Variants in SEMA3E observed in about 807,000 individuals in gnomAD.
SEMA3E encodes semaphorin 3E.
SEMA3E carries 49 observed loss-of-function variants against 93.6 expected under a neutral mutation model. That is an observed-to-expected ratio of 0.52 (90% CI 0.42 to 0.66). The LOEUF (loss-of-function observed/expected upper bound fraction) is 0.66. SEMA3E is among the 30% of genes least tolerant of loss of function. The pLI is 0.00. For missense variants in SEMA3E, 906 were observed against 964.8 expected, an observed-to-expected ratio of 0.94 and a Z score of 0.81; for synonymous variants, 363 against 330.7, an observed-to-expected ratio of 1.10 and a Z score of -1.06.
At chr7:83,498,020 G>A (rs971636480) in intron 1 of SEMA3E, among the ~76,000 whole-genome samples, 2 of 152,098 alleles carry the variant, frequency 1.3e-5, no homozygotes, top group African/African-American at 4.8e-5. Context: ...TGTATTTAAT[G>A]ATTAAGATGA....
chr7:83,641,727 T>G (rs1584382631), intron 1 of SEMA3E, among the ~76,000 whole-genome samples: 1 of 152,314 alleles, frequency 6.6e-6, no homozygotes, highest in East Asian at 1.9e-4. Context: ...ATGTTAAGGA[T>G]CTCTCTTCAT....
At chr7:83,556,876 C>A (rs182574606) in intron 1 of SEMA3E, among the ~76,000 whole-genome samples, 1 of 152,210 alleles carries the variant, frequency 6.6e-6, no homozygotes, top group Admixed American at 6.5e-5. Flanking sequence ...CCCTTTCTGG[C>A]CCTTTTACCT....
intron 4 of SEMA3E, among the ~76,000 whole-genome samples, chr7:83,432,408 T>C (rs1017274072): frequency 6.6e-6 from 1 of 152,128 alleles, no homozygotes; most frequent in African/African-American, 2.4e-5. Context: ...AATAAAAAGT[T>C]ATAATAACGT....
At chr7:83,397,386 T>A (rs1228496036) in intron 11 of SEMA3E, among the ~76,000 whole-genome samples, 1 of 152,120 alleles carries the variant, frequency 6.6e-6, no homozygotes, top group East Asian at 1.9e-4. Context: ...AGAAAATTTT[T>A]TTACCAAAAG....
intron 1 of SEMA3E, among the ~76,000 whole-genome samples, chr7:83,626,564 G>GTTTTT (rs1562861033): frequency 6.6e-6 from 1 of 151,748 alleles, no homozygotes. Context: ...CCCCTTTATC[G>GTTTTT]TTTTTTATCG....
chr7:83,581,074 G>C (rs1792508936), intron 1 of SEMA3E, among the ~76,000 whole-genome samples: 1 of 151,784 alleles, frequency 6.6e-6, no homozygotes, highest in East Asian at 1.9e-4. Context: ...TATTATCCTA[G>C]GCTGTCAAAA....
At chr7:83,600,021 C>G (rs1040354156) in intron 1 of SEMA3E, among the ~76,000 whole-genome samples, 1 of 152,150 alleles carries the variant, frequency 6.6e-6, no homozygotes, top group Non-Finnish European at 1.5e-5. Context: ...ATCAATCATA[C>G]TACATAAATG....
At chr7:83,477,602 A>G (rs1000122790) in intron 2 of SEMA3E, among the ~76,000 whole-genome samples, 1 of 152,134 alleles carries the variant, frequency 6.6e-6, no homozygotes, top group African/African-American at 2.4e-5. Context: ...TATTTTAAAA[A>G]GCTTATTCTC....
chr7:83,390,074 TATACGTGTGCAC>T (rs1787980764), intron 14 of SEMA3E, among the ~76,000 whole-genome samples: 5 of 140,892 alleles, frequency 3.5e-5, no homozygotes, highest in African/African-American at 7.7e-5. Context: ...TATATGCGCG[TATACGTGTGCAC>T]ATATATGCGC....
chr7:83,613,164 C>T (rs1209181232), intron 1 of SEMA3E, among the ~76,000 whole-genome samples: 1 of 151,976 alleles, frequency 6.6e-6, no homozygotes, highest in African/African-American at 2.4e-5. Flanking sequence ...GAAAAAGCAT[C>T]CTATCACAAC....
intron 1 of SEMA3E, among the ~76,000 whole-genome samples, chr7:83,545,282 C>G (rs1160674151): frequency 6.6e-6 from 1 of 151,988 alleles, no homozygotes; most frequent in Non-Finnish European, 1.5e-5. Flanking sequence ...CTTCCTTTGT[C>G]TTCCAAGCCT....
chr7:83,545,680 G>T (rs1388741605), intron 1 of SEMA3E, among the ~76,000 whole-genome samples: 1 of 150,584 alleles, frequency 6.6e-6, no homozygotes, highest in East Asian at 1.9e-4. Flanking sequence ...CCTCTACTGG[G>T]GATAAGTCAG....
At chr7:83,443,128 G>A (rs182188551) in intron 4 of SEMA3E, among the ~76,000 whole-genome samples, 167 of 152,270 alleles carry the variant, frequency 1.1e-3, no homozygotes, top group African/African-American at 3.8e-3. Flanking sequence ...GCAAAGAGAC[G>A]TCCAGTTACT....
chr7:83,459,240 G>T (rs1186894123), intron 4 of SEMA3E, among the ~76,000 whole-genome samples: 1 of 151,912 alleles, frequency 6.6e-6, no homozygotes, highest in Non-Finnish European at 1.5e-5. Context: ...TAGGAATAAA[G>T]CTTTACATTA....
In SEMA3E at chr7:83,410,056, T is replaced by A. The variant is rs1584229163; in HGVS notation, c.551-1569A>T. On this transcript the variant is annotated intron_variant, in intron 5 of 16. Coordinates refer to ENST00000643230, the MANE Select transcript of SEMA3E (RefSeq NM_012431.3). ...TTAAAAAAATAAGCTTTAGAAGTAC[T>A]ACTATAATAGTCTTTTTCATTTTAA... 3.3e-5 allele frequency among the ~76,000 whole-genome samples: 5 copies of A among 151,808 alleles called. 2 individuals are homozygous for A. Among genetic ancestry groups the A allele is most frequent in the African/African-American group, 1.2e-4 (5 of 41,564 alleles).
chr7:83,458,973 G>GTGTGTATA lies in SEMA3E; in HGVS notation c.456+7508_456+7509insTATACACA, dbSNP rs57694179. ...TGTATATGTGTGTGTGTGTGTGTGTGTATATATATATATACACACACTGAA... is the reference window on the plus strand; with the variant it reads ...TGTATATGTGTGTGTGTGTGTGTGTGTGTGTATATATATATATATATACACACACTGAA... On this transcript the variant is annotated intron_variant, in intron 4 of 16. Coordinates refer to ENST00000643230, the MANE Select transcript of SEMA3E (RefSeq NM_012431.3). Among the ~76,000 whole-genome samples, 108 of 140,616 alleles carry GTGTGTATA rather than the reference G, an allele frequency of 7.7e-4. 1 individual carries two copies. Among genetic ancestry groups the GTGTGTATA allele is most frequent in the East Asian group, 3.5e-3 (17 of 4,922 alleles). 92.2% of individuals were successfully genotyped at this position (140,616 alleles called of 152,430 possible).
intron 1 of SEMA3E, among the ~76,000 whole-genome samples, chr7:83,584,750 T>C (rs1390945090): frequency 2.0e-5 from 3 of 152,142 alleles, no homozygotes; most frequent in African/African-American, 4.8e-5. Context: ...TCTTTAGATA[T>C]ATGAGTCAAG....
At chr7:83,434,770 G>A (rs1288945308) in intron 4 of SEMA3E, among the ~76,000 whole-genome samples, 1 of 141,554 alleles carries the variant, frequency 7.1e-6, no homozygotes, top group Admixed American at 7.6e-5. Context: ...CTGGAGTGCA[G>A]TGGCGGGATC....
intron 4 of SEMA3E, among the ~76,000 whole-genome samples, chr7:83,456,810 C>T (rs1258224065): frequency 1.3e-5 from 2 of 151,980 alleles, no homozygotes; most frequent in African/African-American, 4.8e-5. Context: ...GATAGGGTTT[C>T]ACCATGTTGG....
Sources: gnomAD v4.1 joint callset for allele counts (sites outside exome capture counted in the v4.1 genomes callset) on GRCh38, gnomAD v4.1.1 for gene constraint, MANE v1.5 for transcripts, NCBI Gene and HGNC (gene_info 2026-07-23, HGNC 2026-07-21) for gene names.